The following OLFM3 variants were observed in gnomAD, a reference collection of about 807,000 sequenced individuals.
OLFM3 encodes the protein noelin-3.
Under a neutral mutation model 48.6 loss-of-function variants are expected in OLFM3, and 20 were observed. The observed-to-expected ratio is 0.41, with a 90% confidence interval of 0.29 to 0.60. The LOEUF is 0.60. Among genes scored for constraint, OLFM3 ranks in the 20% least tolerant of loss-of-function variants. The pLI is 0.28. For synonymous variants in OLFM3, 222 were observed against 198.1 expected (o/e 1.12, Z -1.01); for missense variants, 437 against 544.3 (o/e 0.80, Z 1.96).
At chr1:101,864,861 A>G (rs1454546544) in intron 1 of OLFM3, among the ~76,000 whole-genome samples, 1 of 152,152 alleles carries the variant, frequency 6.6e-6, no homozygotes, top group Non-Finnish European at 1.5e-5. Flanking sequence ...GGCTGAAAAG[A>G]TATTTTTATC....
chr1:101,835,388 C>G (rs1049295763), intron 2 of OLFM3, among the ~76,000 whole-genome samples: 1 of 152,228 alleles, frequency 6.6e-6, no homozygotes, highest in Non-Finnish European at 1.5e-5. Context: ...GTTCTCAGCT[C>G]ATTGCAACCT....
At chr1:101,854,907 A>G (rs1470097861) in intron 1 of OLFM3, among the ~76,000 whole-genome samples, 1 of 152,040 alleles carries the variant, frequency 6.6e-6, no homozygotes, top group African/African-American at 2.4e-5. Context: ...ACTGCTACAT[A>G]GAAAGCCCTG....
chr1:101,949,948 A>AAAAAT (rs1557742606), intron 1 of OLFM3, among the ~76,000 whole-genome samples: 2 of 149,102 alleles, frequency 1.3e-5, no homozygotes, highest in African/African-American at 5.0e-5. Context: ...AAAAAAAAAA[A>AAAAAT]GCCTCTGATG....
intron 3 of OLFM3, among the ~76,000 whole-genome samples, chr1:101,828,438 C>T (rs550859550): frequency 2.1e-3 from 315 of 152,154 alleles, no homozygotes; most frequent in African/African-American, 7.4e-3. Context: ...ATAACTTCAG[C>T]GTATACTTGG....
chr1:101,899,741 CTGTT>C (rs1017181280), intron 1 of OLFM3, among the ~76,000 whole-genome samples: 11 of 151,850 alleles, frequency 7.2e-5, no homozygotes, highest in African/African-American at 1.5e-4. Context: ...AAATACAAAA[CTGTT>C]TGAACTTTCA....
chr1:101,836,542 G>A (rs1488397792), intron 2 of OLFM3, among the ~76,000 whole-genome samples: 2 of 151,290 alleles, frequency 1.3e-5, no homozygotes, highest in African/African-American at 4.8e-5. Flanking sequence ...AGCTCCAAGA[G>A]TCTAGTGTGA....
intron 1 of OLFM3, among the ~76,000 whole-genome samples, chr1:101,926,768 T>A (rs576204012): frequency 6.6e-6 from 1 of 152,298 alleles, no homozygotes; most frequent in African/African-American, 2.4e-5. Flanking sequence ...ATAAAACTAG[T>A]TGTTTACACT....
chr1:101,804,211 A>G lies in OLFM3; in HGVS notation c.*27T>C. The G allele has an allele frequency of 6.6e-7, 1 of 1,518,466 alleles. No homozygotes were observed. The allele number at this position is 1,518,466 out of a possible 1,614,324, so 94.1% of individuals were successfully genotyped here. A position where few individuals can be genotyped will look rare whatever the true frequency, so the allele number is the denominator to read the frequency against. On this transcript the variant is annotated 3_prime_UTR_variant, in exon 6 of 6. Coordinates refer to ENST00000370103, the MANE Select transcript of OLFM3 (RefSeq NM_058170.4). This position sits in a 1 kb window ranked among gnomAD's most constrained non-coding sequence, Gnocchi z 4.5. ...GAGTTTATCACAAATCACACTGTTT[A>G]AATCAATGAAAACATGTCACATTTG...
At chr1:101,904,278 G>A (rs367837849) in intron 1 of OLFM3, among the ~76,000 whole-genome samples, 1 of 152,086 alleles carries the variant, frequency 6.6e-6, no homozygotes, top group Non-Finnish European at 1.5e-5. Context: ...GATATGGTCA[G>A]GGTAAATTGG....
chr1:101,899,229 C>CTGAATTCAGTCCA (rs1658310352), intron 1 of OLFM3, among the ~76,000 whole-genome samples: 1 of 152,044 alleles, frequency 6.6e-6, no homozygotes, highest in Admixed American at 6.6e-5. Flanking sequence ...TTCAGTTCTC[C>CTGAATTCAGTCCA]ACTGATTGTT....
chr1:101,915,402 A>G (rs1216102319), intron 1 of OLFM3, among the ~76,000 whole-genome samples: 1 of 152,070 alleles, frequency 6.6e-6, no homozygotes, highest in Non-Finnish European at 1.5e-5. Flanking sequence ...AAAGGGCACC[A>G]ATAAATAAAG....
At chr1:101,816,203 T>C (rs1654329880) in intron 4 of OLFM3, among the ~76,000 whole-genome samples, 1 of 152,190 alleles carries the variant, frequency 6.6e-6, no homozygotes, top group East Asian at 1.9e-4. Context: ...TCGAAGTTGG[T>C]TTGAAAAGAA....
intron 1 of OLFM3, among the ~76,000 whole-genome samples, chr1:101,977,288 T>A (rs1217367544): frequency 6.6e-6 from 1 of 152,208 alleles, no homozygotes; most frequent in Non-Finnish European, 1.5e-5. Context: ...TAAATTAATT[T>A]TTGAGTTTTT....
chr1:101,895,418 C>G, intron 1 of OLFM3, among the ~76,000 whole-genome samples: 1 of 135,854 alleles, frequency 7.4e-6, no homozygotes, highest in East Asian at 3.0e-4. Context: ...AGAATACACA[C>G]ACACACACAC....
In OLFM3 at chr1:101,996,823, C is replaced by T; in HGVS notation, c.-7G>A. ...GGTTGGACGTCGCCTGCATTCTGATCTGGGTTTTTGCCCCTCTTTACTCTC... is the reference window on the plus strand; with the variant it reads ...GGTTGGACGTCGCCTGCATTCTGATTTGGGTTTTTGCCCCTCTTTACTCTC... On this transcript the variant is annotated 5_prime_UTR_variant, in exon 1 of 6. Coordinates refer to ENST00000370103, the MANE Select transcript of OLFM3 (RefSeq NM_058170.4). 2 of 1,614,228 alleles carry T rather than the reference C, an allele frequency of 1.2e-6. No homozygotes were observed. The highest frequency in any genetic ancestry group is 1.1e-5 in the South Asian group (1 of 91,088).
intron 1 of OLFM3, among the ~76,000 whole-genome samples, chr1:101,981,061 G>A (rs769798179): frequency 4.6e-5 from 7 of 151,986 alleles, no homozygotes; most frequent in Admixed American, 1.3e-4. Flanking sequence ...CAGCTGCCCC[G>A]AAAGAATTCT....
At chr1:101,929,298 G>A (rs1659372160) in intron 1 of OLFM3, among the ~76,000 whole-genome samples, 1 of 152,138 alleles carries the variant, frequency 6.6e-6, no homozygotes, top group African/African-American at 2.4e-5. Context: ...CCTTCCAAAA[G>A]TATAGGCCAA....
At chr1:101,912,652 G>T (rs7531673) in intron 1 of OLFM3, among the ~76,000 whole-genome samples, 1 of 151,916 alleles carries the variant, frequency 6.6e-6, no homozygotes, top group South Asian at 2.1e-4. Context: ...AGAATCATAC[G>T]ATTGAGGTAC....
intron 1 of OLFM3, among the ~76,000 whole-genome samples, chr1:101,914,295 C>T (rs1008761126): frequency 2.0e-5 from 3 of 152,128 alleles, no homozygotes; most frequent in Admixed American, 6.6e-5. Context: ...ACTGCCCACA[C>T]CCAATTTCTT....
Sources: gnomAD v4.1 joint callset for allele counts (sites outside exome capture counted in the v4.1 genomes callset) on GRCh38, gnomAD v4.1.1 for gene constraint, Gnocchi (gnomAD v3.1) non-coding constraint, MANE v1.5 for transcripts, NCBI Gene and HGNC (gene_info 2026-07-23, HGNC 2026-07-21) for gene names.